The following CDKAL1 variants were observed in gnomAD, a reference collection of about 807,000 sequenced individuals.
The protein encoded by CDKAL1 is CDKAL1 threonylcarbamoyladenosine tRNA methylthiotransferase.
Under a neutral mutation model 68.2 loss-of-function variants are expected in CDKAL1, and 32 were observed. The ratio of observed to expected loss-of-function variants is 0.47; its 90% CI spans 0.35 to 0.63. The LOEUF (loss-of-function observed/expected upper bound fraction) is 0.63, where lower values mean the gene tolerates loss of function less well. Among genes scored for constraint, CDKAL1 ranks in the 30% least tolerant of loss-of-function variants. The probability of loss-of-function intolerance (pLI) is 0.00; values close to 1 mark genes in which losing one functional copy is unlikely to be tolerated. For synonymous variants in CDKAL1, 234 were observed against 244.3 expected, an observed-to-expected ratio of 0.96 and a Z score of 0.39; for missense variants, 606 against 696.7, an observed-to-expected ratio of 0.87 and a Z score of 1.47.
chr6:20,892,471 A>G (rs1022940752), intron 9 of CDKAL1, among the ~76,000 whole-genome samples: 1 of 152,158 alleles, frequency 6.6e-6, no homozygotes, highest in African/African-American at 2.4e-5. Flanking sequence ...CGTATCTGAG[A>G]TTTTGCCTCA....
intron 9 of CDKAL1, among the ~76,000 whole-genome samples, chr6:20,918,223 G>T (rs1364913613): frequency 4.6e-5 from 7 of 152,202 alleles, no homozygotes; most frequent in African/African-American, 1.7e-4. Flanking sequence ...CACCAAATCT[G>T]CTGGCACATT....
chr6:21,109,408 G>A (rs1774013324), intron 13 of CDKAL1, among the ~76,000 whole-genome samples: 1 of 152,198 alleles, frequency 6.6e-6, no homozygotes, highest in African/African-American at 2.4e-5. Flanking sequence ...AAAATACAGA[G>A]ATGTCTGGAT....
intron 8 of CDKAL1, among the ~76,000 whole-genome samples, chr6:20,841,044 AG>A (rs1420690080): frequency 6.6e-6 from 1 of 152,178 alleles, no homozygotes; most frequent in Non-Finnish European, 1.5e-5. Flanking sequence ...TATGTTGCTC[AG>A]GCTGGTCTCG....
intron 5 of CDKAL1, among the ~76,000 whole-genome samples, chr6:20,717,921 G>C (rs1265662175): frequency 6.6e-6 from 1 of 152,144 alleles, no homozygotes; most frequent in Non-Finnish European, 1.5e-5. Flanking sequence ...ATTTAGTTCA[G>C]TGTGCTCATT....
intron 5 of CDKAL1, among the ~76,000 whole-genome samples, chr6:20,673,104 A>C (rs1562014965): frequency 6.6e-6 from 1 of 152,192 alleles, no homozygotes; most frequent in Non-Finnish European, 1.5e-5. Flanking sequence ...AAATTAATTT[A>C]GGGAGAACTG....
At chr6:20,885,998 C>T (rs994100379) in intron 9 of CDKAL1, among the ~76,000 whole-genome samples, 6 of 152,110 alleles carry the variant, frequency 3.9e-5, no homozygotes, top group Admixed American at 6.5e-5. Context: ...GATCATGCCA[C>T]GACACTCCAG....
At chr6:21,215,489 C>T (rs1404073241) in intron 15 of CDKAL1, among the ~76,000 whole-genome samples, 1 of 152,112 alleles carries the variant, frequency 6.6e-6, no homozygotes, top group Non-Finnish European at 1.5e-5. Flanking sequence ...CTGTGATCTG[C>T]GCAACTTTCC....
intron 13 of CDKAL1, among the ~76,000 whole-genome samples, chr6:21,186,576 A>G (rs879846408): frequency 2.0e-5 from 3 of 152,178 alleles, no homozygotes; most frequent in Non-Finnish European, 2.9e-5. Flanking sequence ...TGATCATGCC[A>G]TAAGGTTTTA....
intron 11 of CDKAL1, among the ~76,000 whole-genome samples, chr6:21,064,308 A>T (rs1771299740): frequency 6.6e-6 from 1 of 152,198 alleles, no homozygotes; most frequent in Non-Finnish European, 1.5e-5. Context: ...GGAAAAAAAG[A>T]TTATTGAAAA....
chr6:20,947,771 A>G (rs1254565477), intron 9 of CDKAL1, among the ~76,000 whole-genome samples: 1 of 152,134 alleles, frequency 6.6e-6, no homozygotes, highest in East Asian at 1.9e-4. Flanking sequence ...AGTGTTGAAT[A>G]TCTCATGCAA....
chr6:20,750,133 G>A (rs1485518041), intron 6 of CDKAL1, among the ~76,000 whole-genome samples: 1 of 152,046 alleles, frequency 6.6e-6, no homozygotes, highest in Admixed American at 6.6e-5. Flanking sequence ...TTGTTTGTTT[G>A]AGACAAGGTT....
chr6:21,135,763 G>A (rs952803772), intron 13 of CDKAL1: 28 of 931,510 alleles, frequency 3.0e-5, no homozygotes, highest in Non-Finnish European at 3.6e-5. Context: ...GGAAGGCAGT[G>A]CCAGAAAGAC....
At chr6:21,064,122 CT>C (rs981827680) in intron 11 of CDKAL1, among the ~76,000 whole-genome samples, 62 of 152,258 alleles carry the variant, frequency 4.1e-4, no homozygotes, top group African/African-American at 1.4e-3. Flanking sequence ...ATGGATAATA[CT>C]TTTTGACTTG....
chr6:20,748,870 G>A (rs1475527403), intron 6 of CDKAL1, among the ~76,000 whole-genome samples: 2 of 151,584 alleles, frequency 1.3e-5, no homozygotes, highest in African/African-American at 2.4e-5. Context: ...TTTTTAATTG[G>A]AATTAAAATG....
chr6:21,047,077 GTTAACTGATTTTTTGTGTTTTTT>G (rs1375989742), intron 11 of CDKAL1, among the ~76,000 whole-genome samples: 1 of 150,600 alleles, frequency 6.6e-6, no homozygotes, highest in Non-Finnish European at 1.5e-5. Flanking sequence ...ACAATTCTTA[GTTAACTGATTTTTTGTGTTTTTT>G]TTTTTTAAGA....
intron 9 of CDKAL1, among the ~76,000 whole-genome samples, chr6:20,922,312 A>G (rs1027506099): frequency 6.6e-6 from 1 of 152,206 alleles, no homozygotes. Flanking sequence ...TTAGGCTACA[A>G]AGAAATCCTG....
At chr6:20,884,313 A>G (rs541544378) in intron 9 of CDKAL1, among the ~76,000 whole-genome samples, 2 of 152,186 alleles carry the variant, frequency 1.3e-5, no homozygotes, top group East Asian at 3.9e-4. Context: ...ACAAACAAAC[A>G]AAAACACTAA....
Position 20,542,533 on chromosome 6 carries a change from G to A in CDKAL1, c.-5-3813G>A, listed in dbSNP as rs115936743. Among the ~76,000 whole-genome samples the A allele has an allele frequency of 6.0e-3, 914 of 152,262 alleles. 7 individuals are homozygous for A. The highest frequency in any genetic ancestry group is 0.021 in the African/African-American group (882 of 41,544). On this transcript the variant is annotated intron_variant, in intron 2 of 15. Coordinates refer to ENST00000274695, the MANE Select transcript of CDKAL1 (RefSeq NM_017774.3). The stretch of plus-strand genomic sequence containing the variant: ...AGGACTTGCCTTGTGTCTGGATATA[G>A]TATTAGTGGTAGTACTATCAGTAAG...
chr6:20,540,664 C>A (rs898029285), intron 2 of CDKAL1, among the ~76,000 whole-genome samples: 2 of 152,038 alleles, frequency 1.3e-5, no homozygotes, highest in Admixed American at 6.5e-5. Context: ...CCATGTTGGC[C>A]AGGCTGACCT....
Sources: gnomAD v4.1 joint callset for allele counts (sites outside exome capture counted in the v4.1 genomes callset) on GRCh38, gnomAD v4.1.1 for gene constraint, MANE v1.5 for transcripts, NCBI Gene and HGNC (gene_info 2026-07-23, HGNC 2026-07-21) for gene names.